The following SDK1 variants were observed in gnomAD, a reference collection of about 807,000 sequenced individuals.
The protein encoded by SDK1 is sidekick cell adhesion molecule 1.
A neutral mutation model predicts 245.5 loss-of-function variants in SDK1; 157 were observed. That is an observed-to-expected ratio of 0.64 (90% CI 0.56 to 0.73). The LOEUF (loss-of-function observed/expected upper bound fraction) is 0.73. Ranked by LOEUF, SDK1 falls within the 30% of genes least tolerant of loss-of-function variation. SDK1 has a pLI of 0.00. For missense variants in SDK1, 3,583 were observed against 3,002.3 expected (o/e 1.19, Z -4.52); for synonymous variants, 1,647 against 1,278.5 (o/e 1.29, Z -6.15).
intron 4 of SDK1, among the ~76,000 whole-genome samples, chr7:3,694,095 G>C (rs751379446): frequency 6.6e-6 from 1 of 152,184 alleles, no homozygotes; most frequent in Non-Finnish European, 1.5e-5. Context: ...TTGCCCAAAA[G>C]TGTGCCCGAT....
intron 22 of SDK1, among the ~76,000 whole-genome samples, chr7:4,101,772 C>T (rs926094324): frequency 3.9e-5 from 6 of 152,108 alleles, no homozygotes; most frequent in African/African-American, 1.2e-4. Context: ...AAGGAGGTCC[C>T]GCACCCAGGT....
chr7:3,440,979 T>G (rs1314388043), intron 1 of SDK1, among the ~76,000 whole-genome samples: 2 of 152,144 alleles, frequency 1.3e-5, no homozygotes, highest in African/African-American at 2.4e-5. Context: ...AAGTGAGGGA[T>G]AGTTACACAG....
chr7:3,618,266 C>T (rs1028382194), intron 1 of SDK1, among the ~76,000 whole-genome samples: 3 of 152,110 alleles, frequency 2.0e-5, no homozygotes, highest in Non-Finnish European at 4.4e-5. Flanking sequence ...AAATTTTGAC[C>T]TGCTTTTCAT....
intron 1 of SDK1, among the ~76,000 whole-genome samples, chr7:3,492,976 A>C (rs2128605660): frequency 6.6e-6 from 1 of 152,224 alleles, no homozygotes; most frequent in East Asian, 1.9e-4. Context: ...TTTGAGACGG[A>C]GTCTTGCTCT....
At chr7:3,479,421 CAAA>C (rs56094646) in intron 1 of SDK1, among the ~76,000 whole-genome samples, 1 of 66,568 alleles carries the variant, frequency 1.5e-5, no homozygotes, top group African/African-American at 6.4e-5. Flanking sequence ...GACTGTGTCT[CAAA>C]AAAAAAAAAA....
intron 4 of SDK1, among the ~76,000 whole-genome samples, chr7:3,816,365 A>G (rs1779508476): frequency 6.7e-6 from 1 of 148,678 alleles, no homozygotes; most frequent in African/African-American, 2.5e-5. Flanking sequence ...TAATAAAGAA[A>G]AAAAGAGAGA....
intron 4 of SDK1, among the ~76,000 whole-genome samples, chr7:3,717,038 C>T (rs1785224303): frequency 1.3e-5 from 2 of 151,974 alleles, no homozygotes; most frequent in Non-Finnish European, 2.9e-5. Context: ...ATGTATGTAG[C>T]AGAAATACTT....
intron 2 of SDK1, among the ~76,000 whole-genome samples, chr7:3,627,232 A>G (rs1782149815): frequency 6.6e-6 from 1 of 152,148 alleles, no homozygotes; most frequent in Non-Finnish European, 1.5e-5. Context: ...TCCAGCCAAC[A>G]CTACCAGGCA....
Position 4,161,874 on chromosome 7 carries a change from C to T in SDK1, c.4800+18C>T. 1 of 1,610,152 alleles carries T rather than the reference C, an allele frequency of 6.2e-7. No homozygotes were observed. The highest frequency in any genetic ancestry group is 1.3e-5 in the African/African-American group (1 of 74,972). ...AGTGGCAGGTAAGAGCGCGGGGAATCACGCGCGTTTTGTCAAATGTGTTCT... is the reference window on the plus strand; with the variant it reads ...AGTGGCAGGTAAGAGCGCGGGGAATTACGCGCGTTTTGTCAAATGTGTTCT... On this transcript the variant is annotated intron_variant, in intron 32 of 44. Transcript: ENST00000404826.
At chr7:3,556,422 AG>A (rs1213248231) in intron 1 of SDK1, among the ~76,000 whole-genome samples, 2 of 152,206 alleles carry the variant, frequency 1.3e-5, no homozygotes, top group Non-Finnish European at 2.9e-5. Context: ...GTGGGGGTGC[AG>A]CAAGTAGGGA....
At chr7:3,580,707 G>A (rs553503063) in intron 1 of SDK1, among the ~76,000 whole-genome samples, 32 of 152,126 alleles carry the variant, frequency 2.1e-4, no homozygotes, top group African/African-American at 6.7e-4. Context: ...GGTGGCTCAC[G>A]CCTGTAATCC....
At position 3,971,516 on chromosome 7, in the gene SDK1, A is replaced by T; in HGVS notation, c.1765A>T (p.Thr589Ser). ...TGAGGACCACGTGGTGATTAAGGGG[A>T]CCACGGCCACGCTGCACTGTGGTGC... is the stretch of plus-strand genomic sequence containing the variant. ...PPEDHVVIKG[T>S]TATLHCGATH... The change falls in exon 12 of 45, where the codon ACC (threonine) becomes TCC (serine). Residue 589 changes from threonine to serine, a missense_variant. Physicochemically the swap from Thr to Ser is moderately conservative, Grantham distance 58. Transcript: ENST00000404826. 1 of 1,613,708 alleles carries T rather than the reference A, an allele frequency of 6.2e-7. No individual in the cohort carries two copies. The highest frequency in any genetic ancestry group is 8.5e-7 in the Non-Finnish European group (1 of 1,179,886).
chr7:3,417,288 G>C (rs916327631), intron 1 of SDK1, among the ~76,000 whole-genome samples: 1 of 152,146 alleles, frequency 6.6e-6, no homozygotes, highest in Non-Finnish European at 1.5e-5. Flanking sequence ...GGAACAAATA[G>C]AGGTGGGACA....
intron 1 of SDK1, among the ~76,000 whole-genome samples, chr7:3,325,327 C>T (rs1042948261): frequency 2.0e-5 from 3 of 152,030 alleles, no homozygotes; most frequent in South Asian, 2.1e-4. Flanking sequence ...TTATATTTAA[C>T]GTCTTAACCT....
chr7:4,084,949 G>A (rs1323222536), intron 22 of SDK1, among the ~76,000 whole-genome samples: 1 of 152,130 alleles, frequency 6.6e-6, no homozygotes, highest in South Asian at 2.1e-4. Context: ...TTTTAGTAGA[G>A]ATGGGGTTTC....
At chr7:4,190,334 A>C (rs180841210) in intron 35 of SDK1, among the ~76,000 whole-genome samples, 1 of 152,314 alleles carries the variant, frequency 6.6e-6, no homozygotes, top group Admixed American at 6.5e-5. Flanking sequence ...AGGGCTGTCT[A>C]CACGGTCCTG....
At chr7:3,403,525 G>C (rs1441632784) in intron 1 of SDK1, among the ~76,000 whole-genome samples, 1 of 151,868 alleles carries the variant, frequency 6.6e-6, no homozygotes, top group Non-Finnish European at 1.5e-5. Flanking sequence ...GGATTATTTA[G>C]CAGCTTAATG....
intron 1 of SDK1, among the ~76,000 whole-genome samples, chr7:3,582,926 A>AG (rs1216693545): frequency 6.6e-6 from 1 of 152,084 alleles, no homozygotes; most frequent in Non-Finnish European, 1.5e-5. Context: ...GTGTAGGAAA[A>AG]GGGGGGCAGA....
chr7:3,819,697 C>G (rs1562467221), intron 4 of SDK1, among the ~76,000 whole-genome samples: 1 of 151,860 alleles, frequency 6.6e-6, no homozygotes. Flanking sequence ...TGAAAACTTC[C>G]TAATAGGGAA....
Sources: gnomAD v4.1 joint callset for allele counts (sites outside exome capture counted in the v4.1 genomes callset) on GRCh38, gnomAD v4.1.1 for gene constraint, MANE v1.5 for transcripts, NCBI Gene and HGNC (gene_info 2026-07-23, HGNC 2026-07-21) for gene names.